The following PIBF1 variants were observed in gnomAD, a reference collection of about 807,000 sequenced individuals.
The protein encoded by PIBF1 is progesterone immunomodulatory binding factor 1, also known as progesterone-induced-blocking factor 1.
A neutral mutation model predicts 112.5 loss-of-function variants in PIBF1; 90 were observed. That is an observed-to-expected ratio of 0.80 (90% CI 0.67 to 0.95). PIBF1 has a LOEUF of 0.95. PIBF1 is among the 40% of genes least tolerant of loss of function. The probability of loss-of-function intolerance (pLI) is 0.00; values close to 1 mark genes in which losing one functional copy is unlikely to be tolerated. For missense variants in PIBF1, 915 were observed against 852.3 expected (o/e 1.07, Z -0.92); for synonymous variants, 301 against 288.6 (o/e 1.04, Z -0.44).
chr13:72,843,618 G>T (rs1294005203), intron 9 of PIBF1, among the ~76,000 whole-genome samples: 3 of 152,172 alleles, frequency 2.0e-5, no homozygotes, highest in Non-Finnish European at 4.4e-5. Context: ...CGCCATGTTG[G>T]TCAGGCTGGT....
intron 14 of PIBF1, among the ~76,000 whole-genome samples, chr13:72,952,031 TTC>T (rs1258995561): frequency 8.1e-6 from 1 of 123,212 alleles, no homozygotes; most frequent in Non-Finnish European, 1.6e-5. Context: ...TTCTTTTCTT[TTC>T]TCTTTTTTTT....
chr13:72,887,244 C>T (rs982401714), intron 10 of PIBF1, among the ~76,000 whole-genome samples: 5 of 151,486 alleles, frequency 3.3e-5, no homozygotes, highest in Admixed American at 6.6e-5. Context: ...CAGTAATGCA[C>T]AAAAGTAAAA....
chr13:72,810,058 C>G (rs1015051519), intron 5 of PIBF1, among the ~76,000 whole-genome samples: 2 of 152,170 alleles, frequency 1.3e-5, no homozygotes, highest in East Asian at 3.9e-4. Flanking sequence ...ACTTCAAGTC[C>G]GGAGTTTATT....
intron 14 of PIBF1, among the ~76,000 whole-genome samples, chr13:72,963,537 T>C (rs113344708): frequency 0.11 from 16,753 of 152,176 alleles, 1,253 homozygotes; most frequent in Non-Finnish European, 0.17. Context: ...GAGGTTGCAG[T>C]GAGCTGAGAT....
At chr13:72,867,044 G>C (rs989783102) in intron 10 of PIBF1, among the ~76,000 whole-genome samples, 1 of 152,136 alleles carries the variant, frequency 6.6e-6, no homozygotes, top group African/African-American at 2.4e-5. Context: ...GATATGGTTT[G>C]GGTCTGTGTC....
At chr13:72,961,329 C>T (rs1025721060) in intron 14 of PIBF1, among the ~76,000 whole-genome samples, 1 of 152,092 alleles carries the variant, frequency 6.6e-6, no homozygotes. Flanking sequence ...GCTTCTTCAG[C>T]TCCTGGGCTT....
intron 17 of PIBF1, among the ~76,000 whole-genome samples, chr13:73,008,774 A>G (rs567703218): frequency 3.9e-5 from 6 of 152,248 alleles, no homozygotes; most frequent in Non-Finnish European, 8.8e-5. Flanking sequence ...TAACCACTGT[A>G]CTATACGGTG....
rs539010725 is a variant in PIBF1, at chr13:72,893,914, C to G, written c.1453C>G (p.Gln485Glu). The G allele has an allele frequency of 6.2e-7, 1 of 1,605,276 alleles. No individual in the cohort carries two copies. Among genetic ancestry groups the G allele is most frequent in the Non-Finnish European group, 8.5e-7 (1 of 1,176,132 alleles). The change falls in exon 11 of 18, where the codon CAA becomes GAA. Residue 485 changes from glutamine (Q) to glutamate (E), a missense_variant. Coordinates refer to ENST00000326291, the MANE Select transcript of PIBF1 (RefSeq NM_006346.4). ...AACAGCAAGAAATCTCACACAGTGT[C>G]AATTGGAATGTGAAAAATATCAGAA... ...EETARNLTQC[Q>E]LECEKYQKKL...
chr13:72,938,533 T>TCA (rs1244825714), intron 14 of PIBF1, among the ~76,000 whole-genome samples: 2 of 152,222 alleles, frequency 1.3e-5, no homozygotes, highest in Non-Finnish European at 2.9e-5. Context: ...CTATCAGTGC[T>TCA]CAGTTCCTTT....
chr13:72,821,552 A>T (rs2036558322), intron 5 of PIBF1, among the ~76,000 whole-genome samples: 1 of 152,188 alleles, frequency 6.6e-6, no homozygotes, highest in Non-Finnish European at 1.5e-5. Flanking sequence ...GTTTTTAAAA[A>T]GTCATTTAAC....
At chr13:72,844,764 C>CGGATGAAGTCTT (rs368403113) in intron 9 of PIBF1, among the ~76,000 whole-genome samples, 2 of 107,966 alleles carry the variant, frequency 1.9e-5, no homozygotes, top group East Asian at 2.8e-4. Flanking sequence ...CACACACACA[C>CGGATGAAGTCTT]ACACACACAC....
chr13:72,860,852 A>G (rs967043428), intron 10 of PIBF1, among the ~76,000 whole-genome samples: 20 of 152,198 alleles, frequency 1.3e-4, no homozygotes, highest in African/African-American at 4.6e-4. Flanking sequence ...GTATGTCCCA[A>G]TTCAAGCTCA....
At chr13:72,941,057 C>T (rs1201453227) in intron 14 of PIBF1, among the ~76,000 whole-genome samples, 1 of 152,176 alleles carries the variant, frequency 6.6e-6, no homozygotes, top group Non-Finnish European at 1.5e-5. Flanking sequence ...GGGAATTTGA[C>T]AGGCTCTGCC....
At chr13:72,977,210 CTTGTT>C (rs2043044471) in intron 16 of PIBF1, among the ~76,000 whole-genome samples, 3 of 117,778 alleles carry the variant, frequency 2.5e-5, no homozygotes, top group Non-Finnish European at 3.6e-5. Flanking sequence ...TTTGTTTTGT[CTTGTT>C]TTGTTTTGAG....
intron 10 of PIBF1, among the ~76,000 whole-genome samples, chr13:72,873,025 C>T (rs577660609): frequency 2.6e-5 from 4 of 152,192 alleles, no homozygotes; most frequent in South Asian, 4.2e-4. Flanking sequence ...TTTCCCAAAC[C>T]GACTTACAGA....
At chr13:73,008,627 A>G (rs148034690) in intron 17 of PIBF1, among the ~76,000 whole-genome samples, 2 of 152,336 alleles carry the variant, frequency 1.3e-5, no homozygotes, top group African/African-American at 4.8e-5. Context: ...GAGATAGACT[A>G]TAAACCGACA....
intron 5 of PIBF1, 75 bp from the exon 6 acceptor site, chr13:72,821,774 A>C (rs2036565673): frequency 9.5e-7 from 1 of 1,055,698 alleles, no homozygotes; most frequent in Non-Finnish European, 1.3e-6. Flanking sequence ...GCTTAACAGA[A>C]GACTTCAATA....
chr13:72,920,025 T>C (rs890587213), intron 13 of PIBF1, among the ~76,000 whole-genome samples: 3 of 152,188 alleles, frequency 2.0e-5, no homozygotes, highest in Non-Finnish European at 4.4e-5. Context: ...ACTTTGCTTT[T>C]CTTAGCCCCA....
At chr13:72,984,400 C>T (rs1026199074) in intron 16 of PIBF1, among the ~76,000 whole-genome samples, 1 of 152,044 alleles carries the variant, frequency 6.6e-6, no homozygotes, top group Non-Finnish European at 1.5e-5. Flanking sequence ...GAGAATTGGC[C>T]TTTTGCTTAT....
Sources: allele counts gnomAD v4.1 joint callset (sites outside exome capture counted in the v4.1 genomes callset), GRCh38; gene constraint gnomAD v4.1.1; transcripts MANE v1.5; gene names NCBI Gene and HGNC (gene_info 2026-07-23, HGNC 2026-07-21).